Variants in CLSTN2 observed in about 807,000 individuals in gnomAD.
CLSTN2 encodes the protein calsyntenin 2, also known as calsyntenin-2.
CLSTN2 carries 48 observed loss-of-function variants against 101.2 expected under a neutral mutation model. The observed-to-expected ratio is 0.47, with a 90% CI of 0.38 to 0.60. The LOEUF (loss-of-function observed/expected upper bound fraction) is 0.60. CLSTN2 is among the 20% of genes least tolerant of loss of function. The pLI is 0.00. For missense variants in CLSTN2, 1,160 were observed against 1,238.2 expected (o/e 0.94, Z 0.95); for synonymous variants, 481 against 463.6 (o/e 1.04, Z -0.48).
intron 2 of CLSTN2, among the ~76,000 whole-genome samples, chr3:140,296,003 A>C (rs1359248284): frequency 6.6e-6 from 1 of 152,222 alleles, no homozygotes; most frequent in East Asian, 1.9e-4. Context: ...CAATTCTTAT[A>C]TGTTGAATAG....
At chr3:140,251,916 G>A (rs2086568433) in intron 2 of CLSTN2, among the ~76,000 whole-genome samples, 1 of 152,138 alleles carries the variant, frequency 6.6e-6, no homozygotes, top group African/African-American at 2.4e-5. Context: ...CTTAAAGCCT[G>A]GAGGCAACAG....
chr3:140,113,905 A>ATATG, intron 1 of CLSTN2, among the ~76,000 whole-genome samples: 1 of 152,290 alleles, frequency 6.6e-6, no homozygotes, highest in Non-Finnish European at 1.5e-5. Flanking sequence ...TGAATAAGTG[A>ATATG]TATGTAGTGT....
intron 2 of CLSTN2, among the ~76,000 whole-genome samples, chr3:140,203,096 A>G (rs746837915): frequency 5.3e-5 from 8 of 152,156 alleles, no homozygotes; most frequent in Non-Finnish European, 2.9e-5. Flanking sequence ...CCAAATTGGA[A>G]TGTGTCGTGG....
chr3:140,411,998 T>C (rs113878754), intron 4 of CLSTN2, among the ~76,000 whole-genome samples: 14 of 152,302 alleles, frequency 9.2e-5, no homozygotes, highest in African/African-American at 3.4e-4. Flanking sequence ...AAACAGATTT[T>C]CCACGGGGAG....
intron 2 of CLSTN2, among the ~76,000 whole-genome samples, chr3:140,375,997 G>T (rs2087913616): frequency 6.6e-6 from 1 of 152,118 alleles, no homozygotes; most frequent in Admixed American, 6.5e-5. Context: ...GTGCAGTTTA[G>T]GATGTTTAAG....
In CLSTN2 at chr3:140,373,333, G is replaced by T. The variant is rs549527972; in HGVS notation, c.233-30296G>T. ...TAGGAGAAGCTGAGATCAGCCATTA[G>T]AGAAAGATGGCCTCTTCCCCCTACT... is the stretch of plus-strand genomic sequence containing the variant. On this transcript the variant is annotated intron_variant, in intron 2 of 16. Transcript: ENST00000458420. Among the ~76,000 whole-genome samples the T allele has an allele frequency of 1.6e-4, 24 of 152,284 alleles. No homozygotes were observed. In the South Asian group the frequency reaches 3.9e-3, roughly 25 times the overall value.
At chr3:140,288,087 T>C (rs2086912732) in intron 2 of CLSTN2, among the ~76,000 whole-genome samples, 1 of 139,000 alleles carries the variant, frequency 7.2e-6, no homozygotes, top group Non-Finnish European at 1.6e-5. Context: ...AGATGACACG[T>C]GGCCTTCATT....
chr3:140,015,450 G>A (rs977306817), intron 1 of CLSTN2, among the ~76,000 whole-genome samples: 1 of 152,202 alleles, frequency 6.6e-6, no homozygotes, highest in Non-Finnish European at 1.5e-5. Context: ...GGTCACAGGA[G>A]TAGGAGTATT....
Position 140,405,122 on chromosome 3 carries a change from C to A in CLSTN2, c.637+356C>A, listed in dbSNP as rs143727885. 5.9e-4 allele frequency among the ~76,000 whole-genome samples: 90 copies of A among 152,214 alleles called. 1 individual carries two copies. Among genetic ancestry groups the A allele is most frequent in the African/African-American group, 2.1e-3 (88 of 41,524 alleles). On this transcript the variant is annotated intron_variant, in intron 4 of 16. Transcript: ENST00000458420. Reference sequence around the variant, plus strand: ...CCATCAGCTTGGCCATATCTGGGTCCGTTTCCTATGTAATAAGTCATAATA... The same window carrying A: ...CCATCAGCTTGGCCATATCTGGGTCAGTTTCCTATGTAATAAGTCATAATA...
At chr3:140,442,040 C>A (rs530857725) in intron 5 of CLSTN2, among the ~76,000 whole-genome samples, 33 of 152,304 alleles carry the variant, frequency 2.2e-4, no homozygotes, top group African/African-American at 7.7e-4. Flanking sequence ...GAGTTCTCTT[C>A]TAGTCCAGCA....
chr3:140,356,037 G>A (rs115357618), intron 2 of CLSTN2, among the ~76,000 whole-genome samples: 7 of 152,302 alleles, frequency 4.6e-5, no homozygotes, highest in African/African-American at 1.7e-4. Context: ...AAATCTTCCA[G>A]GGTCCTTCAT....
chr3:140,562,319 ACTCAGCC>A lies in CLSTN2; in HGVS notation c.2212+13_2212+19del. ...GCTACTCCATCTACGGTAAGGCCAC[ACTCAGCC>A]CCCTTTGCCCCAAGGGTGTCCTCTT... On this transcript the variant is annotated intron_variant, in intron 13 of 16. Coordinates refer to ENST00000458420, the MANE Select transcript of CLSTN2 (RefSeq NM_022131.3). The A allele has an allele frequency of 6.2e-7, 1 of 1,608,566 alleles. No individual in the cohort carries two copies. The highest frequency in any genetic ancestry group is 1.1e-5 in the South Asian group (1 of 90,556).
At chr3:140,165,225 T>C (rs1165448543) in intron 1 of CLSTN2, among the ~76,000 whole-genome samples, 1 of 152,170 alleles carries the variant, frequency 6.6e-6, no homozygotes, top group Non-Finnish European at 1.5e-5. Context: ...TGATGGCAAA[T>C]GTCACCCTAA....
At chr3:140,542,639 G>A (rs1343266273) in intron 9 of CLSTN2, among the ~76,000 whole-genome samples, 3 of 152,084 alleles carry the variant, frequency 2.0e-5, no homozygotes, top group African/African-American at 4.8e-5. Flanking sequence ...GTTGAAAAAT[G>A]CTCATTGAAT....
Position 140,053,371 on chromosome 3 carries a change from C to T in CLSTN2, c.109+117888C>T, listed in dbSNP as rs189437014. Among the ~76,000 whole-genome samples the T allele has an allele frequency of 1.2e-3, 190 of 152,264 alleles. 2 individuals are homozygous for T. Among genetic ancestry groups the T allele is most frequent in the Admixed American group, 0.011 (169 of 15,304 alleles). ...CAATCTAGTTCCAATTCTGGTTCTCCGGAGTTACTGGATTGTGTCTGAGGA... is the reference window on the plus strand; with the variant it reads ...CAATCTAGTTCCAATTCTGGTTCTCTGGAGTTACTGGATTGTGTCTGAGGA... On this transcript the variant is annotated intron_variant, in intron 1 of 16. Transcript: ENST00000458420.
rs1024674323 is a variant in CLSTN2 at position 140,242,689 on chromosome 3, C to T, written c.232+66616C>T. 5.3e-5 allele frequency among the ~76,000 whole-genome samples: 8 copies of T among 152,216 alleles called. No homozygotes were observed. The South Asian group carries it at 1.2e-3, about 24-fold the overall frequency. ...CAAAGCGAGAGCTCATGGGATTCTG[C>T]GCTTTATGAGAGGACATGATTCCCA... On this transcript the variant is annotated intron_variant, in intron 2 of 16. Coordinates refer to ENST00000458420, the MANE Select transcript of CLSTN2 (RefSeq NM_022131.3).
chr3:140,121,131 G>T (rs2009333510), intron 1 of CLSTN2, among the ~76,000 whole-genome samples: 1 of 152,184 alleles, frequency 6.6e-6, no homozygotes, highest in Admixed American at 6.5e-5. Context: ...GCTAGAAACA[G>T]TGAGATATTA....
chr3:140,321,436 T>A (rs536358463), intron 2 of CLSTN2, among the ~76,000 whole-genome samples: 9 of 152,190 alleles, frequency 5.9e-5, no homozygotes, highest in South Asian at 4.2e-4. Context: ...TGGCCTGTAT[T>A]GTCCAGTCTT....
At chr3:140,315,651 G>C (rs966671718) in intron 2 of CLSTN2, among the ~76,000 whole-genome samples, 2 of 152,264 alleles carry the variant, frequency 1.3e-5, no homozygotes, top group Non-Finnish European at 2.9e-5. Flanking sequence ...AGATTAAAAG[G>C]TTCAGGTGTC....
Sources: gnomAD v4.1 joint callset for allele counts (sites outside exome capture counted in the v4.1 genomes callset) on GRCh38, gnomAD v4.1.1 for gene constraint, MANE v1.5 for transcripts, NCBI Gene and HGNC (gene_info 2026-07-23, HGNC 2026-07-21) for gene names.